GPHN: variants seen among roughly 807,000 people sequenced by gnomAD.
GPHN encodes the protein gephyrin.
A neutral mutation model predicts 95.5 loss-of-function variants in GPHN; 17 were observed. The ratio of observed to expected loss-of-function variants is 0.18; its 90% CI spans 0.12 to 0.27. The LOEUF (loss-of-function observed/expected upper bound fraction) is 0.27, where lower values mean the gene tolerates loss of function less well. Ranked by LOEUF, GPHN falls within the 10% of genes least tolerant of loss-of-function variation. The pLI, the probability that GPHN is intolerant of heterozygous loss-of-function variation, is 1.00. For synonymous variants in GPHN, 320 were observed against 322.5 expected (o/e 0.99, Z 0.08); for missense variants, 660 against 978.1 (o/e 0.67, Z 4.34).
intron 4 of GPHN, among the ~76,000 whole-genome samples, chr14:66,828,685 A>G (rs755547529): frequency 1.3e-5 from 2 of 152,122 alleles, no homozygotes; most frequent in Non-Finnish European, 2.9e-5. Context: ...GATGAAAATG[A>G]TGAATAGGAT....
the GPHN span, among the ~76,000 whole-genome samples, chr14:67,578,369 T>C: frequency 4.6e-5 from 7 of 152,130 alleles, no homozygotes; most frequent in African/African-American, 1.4e-4. This position sits in a 1 kb window ranked among gnomAD's most constrained non-coding sequence, Gnocchi z 5.0. Context: ...AGATGGGTGA[T>C]TGCATTCTGG....
intron 1 of GPHN, among the ~76,000 whole-genome samples, chr14:66,623,248 T>C (rs8008296): frequency 0.33 from 49,985 of 151,620 alleles, 12,175 homozygotes; most frequent in African/African-American, 0.67. Context: ...TTCACTATAA[T>C]GAGGACAGCA....
intron 8 of GPHN, among the ~76,000 whole-genome samples, chr14:66,927,390 G>C (rs1469078639): frequency 6.6e-6 from 1 of 150,842 alleles, no homozygotes; most frequent in Non-Finnish European, 1.5e-5. Flanking sequence ...TTTGTTTGTT[G>C]ATTTTGTATC....
At chr14:67,600,896 T>C in the GPHN span, among the ~76,000 whole-genome samples, 1 of 152,178 alleles carries the variant, frequency 6.6e-6, no homozygotes, top group African/African-American at 2.4e-5. Context: ...ACAGTTTTAA[T>C]CATGCTTTTG....
intron 4 of GPHN, among the ~76,000 whole-genome samples, chr14:66,851,893 T>C (rs937146633): frequency 9.9e-5 from 15 of 152,132 alleles, no homozygotes; most frequent in African/African-American, 3.6e-4. Flanking sequence ...ATAGTTCAGA[T>C]AAAAGATGCT....
intron 2 of GPHN, among the ~76,000 whole-genome samples, chr14:66,689,724 G>A (rs907988452): frequency 1.8e-4 from 27 of 152,092 alleles, no homozygotes; most frequent in Admixed American, 5.9e-4. Flanking sequence ...TTTTCAATTG[G>A]TTTGTTGGGG....
At chr14:67,218,958 C>T in the GPHN span, among the ~76,000 whole-genome samples, 974 of 152,002 alleles carry the variant, frequency 6.4e-3, 12 homozygotes, top group African/African-American at 0.022. Flanking sequence ...GTGGTGTTGT[C>T]GTGTTCAGCC....
the GPHN span, chr14:67,225,333 G>A: frequency 5.0e-5 from 54 of 1,074,726 alleles, no homozygotes; most frequent in Non-Finnish European, 5.6e-5. Context: ...CAAAAAAGTT[G>A]TTAATAAGTG....
At chr14:67,317,769 G>C in the GPHN span, among the ~76,000 whole-genome samples, 1 of 152,156 alleles carries the variant, frequency 6.6e-6, no homozygotes, top group Non-Finnish European at 1.5e-5. Context: ...GAACATACTT[G>C]AAGTAAAAAC....
intron 17 of GPHN, among the ~76,000 whole-genome samples, chr14:67,135,783 T>TC (rs1357103447): frequency 6.6e-6 from 1 of 152,132 alleles, no homozygotes; most frequent in African/African-American, 2.4e-5. Context: ...TTTCCTCTTT[T>TC]CCCCCCTATC....
intron 1 of GPHN, among the ~76,000 whole-genome samples, chr14:66,654,107 G>A (rs964117495): frequency 4.6e-5 from 7 of 152,118 alleles, no homozygotes; most frequent in Admixed American, 3.9e-4. Flanking sequence ...AAAAAATGTA[G>A]CTATTGTTAT....
At chr14:67,600,254 G>C in the GPHN span, 209,983 of 1,442,662 alleles carry the variant, frequency 0.15, 17,420 homozygotes, top group Admixed American at 0.32. Flanking sequence ...TGCGCTCGCC[G>C]GCCCTGGCCG....
At chr14:66,986,836 A>T (rs1040708698) in intron 9 of GPHN, among the ~76,000 whole-genome samples, 2 of 152,096 alleles carry the variant, frequency 1.3e-5, no homozygotes, top group South Asian at 2.1e-4. Flanking sequence ...ATGAAATACT[A>T]ATTTCTGCAC....
At chr14:66,618,278 A>T (rs2063135421) in intron 1 of GPHN, among the ~76,000 whole-genome samples, 1 of 152,140 alleles carries the variant, frequency 6.6e-6, no homozygotes, top group Non-Finnish European at 1.5e-5. Context: ...AAAGTTCCAC[A>T]TGTTGTCCAG....
intron 9 of GPHN, among the ~76,000 whole-genome samples, chr14:67,010,458 A>G (rs1316477779): frequency 6.6e-6 from 1 of 151,238 alleles, no homozygotes; most frequent in Non-Finnish European, 1.5e-5. Flanking sequence ...AGGTTGAGGC[A>G]GAAGAGTGGC....
At chr14:67,172,826 G>A (rs954825337) in intron 21 of GPHN, among the ~76,000 whole-genome samples, 1 of 152,140 alleles carries the variant, frequency 6.6e-6, no homozygotes, top group South Asian at 2.1e-4. Flanking sequence ...GCACCTGGCT[G>A]CACAAAGTCT....
the GPHN span, among the ~76,000 whole-genome samples, chr14:67,188,137 C>T: frequency 6.6e-6 from 1 of 152,112 alleles, no homozygotes; most frequent in Admixed American, 6.5e-5. Flanking sequence ...CCCATGCAGG[C>T]GTGAATAGGC....
chr14:67,690,393 T>C, the GPHN span: 8 of 1,614,080 alleles, frequency 5.0e-6, no homozygotes, highest in South Asian at 2.2e-5. Flanking sequence ...TTAGTTTCTC[T>C]AGCAGCAGAT....
chr14:66,583,731 T>A (rs955422605), intron 1 of GPHN, among the ~76,000 whole-genome samples: 2 of 152,184 alleles, frequency 1.3e-5, no homozygotes, highest in African/African-American at 4.8e-5. Context: ...CTGTGTTCTG[T>A]TCCAGTGGTC....
Sources: gnomAD v4.1 joint callset for allele counts (sites outside exome capture counted in the v4.1 genomes callset) on GRCh38, gnomAD v4.1.1 for gene constraint, Gnocchi (gnomAD v3.1) non-coding constraint, MANE v1.5 for transcripts, NCBI Gene and HGNC (gene_info 2026-07-23, HGNC 2026-07-21) for gene names.